SNTG1: variants seen among roughly 807,000 people sequenced by gnomAD.
SNTG1 encodes syntrophin gamma 1.
A neutral mutation model predicts 74.7 loss-of-function variants in SNTG1; 39 were observed. The ratio of observed to expected loss-of-function variants is 0.52; its 90% CI spans 0.40 to 0.68. The LOEUF (loss-of-function observed/expected upper bound fraction) is 0.68. Ranked by LOEUF, SNTG1 falls within the 30% of genes least tolerant of loss-of-function variation. The probability of loss-of-function intolerance (pLI) is 0.00; values close to 1 mark genes in which losing one functional copy is unlikely to be tolerated. For missense variants in SNTG1, 685 were observed against 609.5 expected (o/e 1.12, Z -1.30); for synonymous variants, 254 against 217.1 (o/e 1.17, Z -1.49).
intron 1 of SNTG1, among the ~76,000 whole-genome samples, chr8:50,010,318 G>A (rs576596896): frequency 6.2e-4 from 95 of 152,166 alleles, no homozygotes; most frequent in African/African-American, 2.1e-3. Flanking sequence ...TCATTTTACA[G>A]ATTTGGAAAC....
At chr8:50,694,888 TAA>T (rs201393443) in intron 15 of SNTG1, among the ~76,000 whole-genome samples, 4 of 142,572 alleles carry the variant, frequency 2.8e-5, no homozygotes, top group Non-Finnish European at 4.7e-5. Flanking sequence ...CTTTTATAAT[TAA>T]AAAAAAAAAA....
At chr8:50,106,237 A>T (rs932912824) in intron 1 of SNTG1, among the ~76,000 whole-genome samples, 1 of 152,122 alleles carries the variant, frequency 6.6e-6, no homozygotes, top group Non-Finnish European at 1.5e-5. Flanking sequence ...TCTTCTTCAC[A>T]TAGAGGGAGG....
At chr8:50,260,896 T>G (rs12547001) in intron 2 of SNTG1, among the ~76,000 whole-genome samples, 49,620 of 152,002 alleles carry the variant, frequency 0.33, 8,599 homozygotes, top group African/African-American at 0.45. Context: ...GAAACTTCCA[T>G]ACTGTGGGAT....
intron 17 of SNTG1, among the ~76,000 whole-genome samples, chr8:50,738,078 G>C (rs10453096): frequency 0.1 from 15,493 of 152,006 alleles, 2,207 homozygotes; most frequent in African/African-American, 0.32. Context: ...GCAAGAGAAA[G>C]AAAGAAAGGA....
rs553678817 is a variant in SNTG1, at chr8:50,378,691, T to C, written c.-27-15521T>C. Among the ~76,000 whole-genome samples the C allele has an allele frequency of 1.3e-4, 20 of 151,920 alleles. No homozygotes were observed. The South Asian group carries it at 4.2e-3, about 32-fold the overall frequency. On this transcript the variant is annotated intron_variant, in intron 2 of 18. Transcript: ENST00000642720. The stretch of plus-strand genomic sequence containing the variant: ...CTCTCTGCTAGGCAAATCATCCTGA[T>C]GAGTGCTCAGCTCTCAGCAGAGAGG...
At chr8:50,731,767 A>G (rs1353479137) in intron 17 of SNTG1, among the ~76,000 whole-genome samples, 1 of 152,136 alleles carries the variant, frequency 6.6e-6, no homozygotes, top group African/African-American at 2.4e-5. Flanking sequence ...CATAGTGTTT[A>G]TCAGAATCTT....
Position 50,449,724 on chromosome 8 carries a change from A to C in SNTG1, c.276A>C (p.Arg92Ser), listed in dbSNP as rs1471206968. The part of the protein sequence containing the change: ...VVVSKISKEQ[R>S]AELSGLLFIG... ...TTTCAAAAATCTCCAAGGAACAAAGAGGTAATATGTTTAGAGAATTGTGTA... is the reference window on the plus strand; with the variant it reads ...TTTCAAAAATCTCCAAGGAACAAAGCGGTAATATGTTTAGAGAATTGTGTA... Residue 92 changes from arginine (R) to serine (S), a missense_variant and splice_region_variant, in exon 6 of 19, where the codon AGA (arginine) becomes AGC (serine). Physicochemically the swap from Arg to Ser is moderately radical, Grantham distance 110 (BLOSUM62 -1). Transcript: ENST00000642720. The C allele has an allele frequency of 2.2e-5, 35 of 1,592,440 alleles. No homozygotes were observed. Among genetic ancestry groups the C allele is most frequent in the Non-Finnish European group, 3.0e-5 (35 of 1,167,776 alleles).
intron 1 of SNTG1, among the ~76,000 whole-genome samples, chr8:50,010,661 G>T (rs1160078061): frequency 6.6e-6 from 1 of 151,448 alleles, no homozygotes; most frequent in Admixed American, 6.6e-5. Context: ...CTCTTAAATG[G>T]TAGATTAAAA....
At chr8:50,471,997 G>A (rs910215202) in intron 8 of SNTG1, among the ~76,000 whole-genome samples, 1 of 151,900 alleles carries the variant, frequency 6.6e-6, no homozygotes, top group Non-Finnish European at 1.5e-5. Flanking sequence ...TAATGAAGGA[G>A]GCAAAATATT....
intron 1 of SNTG1, among the ~76,000 whole-genome samples, chr8:50,002,067 A>G (rs1814789946): frequency 6.6e-6 from 1 of 152,174 alleles, no homozygotes; most frequent in Non-Finnish European, 1.5e-5. Context: ...TAGCACCACC[A>G]ACACTAGACA....
intron 8 of SNTG1, among the ~76,000 whole-genome samples, chr8:50,454,047 C>T (rs1017629224): frequency 6.6e-6 from 1 of 152,044 alleles, no homozygotes; most frequent in Non-Finnish European, 1.5e-5. Context: ...AGACCAAAGC[C>T]CATCAAGGAA....
chr8:50,766,012 T>A (rs973863351), intron 18 of SNTG1, among the ~76,000 whole-genome samples: 1 of 151,994 alleles, frequency 6.6e-6, no homozygotes, highest in African/African-American at 2.4e-5. Context: ...AAACCTCAAA[T>A]GTTAAATATA....
chr8:50,411,925 A>G (rs1036383969), intron 4 of SNTG1, among the ~76,000 whole-genome samples: 2 of 152,166 alleles, frequency 1.3e-5, no homozygotes, highest in Admixed American at 1.3e-4. Flanking sequence ...TAGTCTGGGC[A>G]GCAGTCCCCA....
At chr8:50,619,505 G>A (rs963472315) in intron 13 of SNTG1, among the ~76,000 whole-genome samples, 1 of 152,148 alleles carries the variant, frequency 6.6e-6, no homozygotes, top group African/African-American at 2.4e-5. Context: ...GCCGAGGCGG[G>A]CAGATCACGA....
chr8:50,616,107 T>G (rs1357630036), intron 13 of SNTG1, among the ~76,000 whole-genome samples: 1 of 152,196 alleles, frequency 6.6e-6, no homozygotes, highest in Non-Finnish European at 1.5e-5. Context: ...AAGAGTAACT[T>G]GCTTTACTTA....
intron 11 of SNTG1, among the ~76,000 whole-genome samples, chr8:50,545,108 T>C (rs1013577478): frequency 5.9e-5 from 9 of 151,988 alleles, no homozygotes; most frequent in Non-Finnish European, 7.4e-5. Flanking sequence ...AAATGTAGGA[T>C]ATTATTTCTT....
intron 2 of SNTG1, among the ~76,000 whole-genome samples, chr8:50,294,542 G>T (rs1304786301): frequency 3.3e-5 from 5 of 152,132 alleles, no homozygotes; most frequent in African/African-American, 1.2e-4. Flanking sequence ...TTCAAAGGTT[G>T]CATGCTGGCA....
chr8:49,996,593 A>G (rs1375104388), intron 1 of SNTG1, among the ~76,000 whole-genome samples: 1 of 152,180 alleles, frequency 6.6e-6, no homozygotes, highest in African/African-American at 2.4e-5. Context: ...AATACTACAC[A>G]TTAAAATAAA....
At chr8:50,000,769 G>A (rs1814669344) in intron 1 of SNTG1, among the ~76,000 whole-genome samples, 1 of 152,134 alleles carries the variant, frequency 6.6e-6, no homozygotes, top group Non-Finnish European at 1.5e-5. Flanking sequence ...GTTACTTAAT[G>A]TACTTCCTTT....
Sources: gnomAD v4.1 joint callset for allele counts (sites outside exome capture counted in the v4.1 genomes callset) on GRCh38, gnomAD v4.1.1 for gene constraint, MANE v1.5 for transcripts, NCBI Gene and HGNC (gene_info 2026-07-23, HGNC 2026-07-21) for gene names.